PEX6: variants seen among roughly 807,000 people sequenced by gnomAD.
The protein encoded by PEX6 is peroxisomal biogenesis factor 6.
Under a neutral mutation model 85.6 loss-of-function variants are expected in PEX6, and 55 were observed. That is an observed-to-expected ratio of 0.64 (90% CI 0.52 to 0.80). The LOEUF (loss-of-function observed/expected upper bound fraction) is 0.80, where lower values mean the gene tolerates loss of function less well. Ranked by LOEUF, PEX6 falls within the 30% of genes least tolerant of loss-of-function variation. The pLI is 0.00. For missense variants in PEX6, 1,099 were observed against 1,260.3 expected (o/e 0.87, Z 1.94); for synonymous variants, 519 against 549.1 (o/e 0.95, Z 0.77).
rs115767011 is a variant in PEX6 at position 42,974,162 on chromosome 6, C to T, written c.1047-76G>A. On this transcript the variant is annotated intron_variant, in intron 2 of 16. Transcript: ENST00000304611. ...GTGTTCATTACCACATGTCCACCCC[C>T]GACATGCAGACTACTTCTTGAGTCT... The T allele has an allele frequency of 1.6e-3, 1,797 of 1,089,932 alleles. 11 individuals are homozygous for T. The African/African-American group carries it at 0.021, about 13-fold the overall frequency. 67.5% of individuals were successfully genotyped at this position (1,089,932 alleles called of 1,614,324 possible).
chr6:42,964,757 T>C lies in PEX6; in HGVS notation c.2806+33A>G. ...GTGCACCCAGCTCCCCACTAGCTTT[T>C]TGGTTGACCTCTCAGACCGGCAAGT... On this transcript the variant is annotated intron_variant, in intron 16 of 16. Transcript: ENST00000304611. The surrounding 1 kb of genome is among the most constrained non-coding windows in gnomAD (Gnocchi z 4.6). 6.2e-7 allele frequency: 1 copy of C among 1,613,804 alleles called. No individual in the cohort carries two copies. The highest frequency in any genetic ancestry group is 8.5e-7 in the Non-Finnish European group (1 of 1,179,942).
At chr6:42,966,204 C>G in intron 11 of PEX6, 38 bp downstream of exon 11, 2 of 1,610,802 alleles carry the variant, frequency 1.2e-6, no homozygotes, top group Non-Finnish European at 1.7e-6. Context: ...GCTGCAGCCC[C>G]TGATCCACCC....
chr6:42,973,897 G>T, intron 3 of PEX6, 106 bp downstream of exon 3: 1 of 809,756 alleles, frequency 1.2e-6, no homozygotes. Flanking sequence ...ACATGACAAC[G>T]AAATCCTCTT....
Position 42,964,524 on chromosome 6 carries a change from C to G in PEX6, c.2807-53G>C, listed in dbSNP as rs753458401. 3 of 1,607,638 alleles carry G rather than the reference C, an allele frequency of 1.9e-6. No individual in the cohort carries two copies. Among genetic ancestry groups the G allele is most frequent in the Non-Finnish European group, 1.7e-6 (2 of 1,176,586 alleles). On this transcript the variant is annotated intron_variant, in intron 16 of 16. Coordinates refer to ENST00000304611, the MANE Select transcript of PEX6 (RefSeq NM_000287.4). The surrounding 1 kb of genome is among the most constrained non-coding windows in gnomAD (Gnocchi z 4.6). ...GGTCTATGCCCAGGCAGGGGAGAGCCCTGCGAAGGTGGCTTCCTGCTCAGG... is the reference window on the plus strand; with the variant it reads ...GGTCTATGCCCAGGCAGGGGAGAGCGCTGCGAAGGTGGCTTCCTGCTCAGG...
intron 6 of PEX6, 115 bp downstream of exon 6, chr6:42,968,759 G>A (rs759338381): frequency 1.3e-5 from 11 of 871,312 alleles, no homozygotes; most frequent in Admixed American, 1.2e-4. Flanking sequence ...CCACTGGGCT[G>A]AAGTGCTAGG....
At chr6:42,974,648 A>T (rs1340636450) in intron 2 of PEX6, among the ~76,000 whole-genome samples, 2 of 151,018 alleles carry the variant, frequency 1.3e-5, no homozygotes, top group African/African-American at 4.9e-5. Flanking sequence ...TTTTTAGTAG[A>T]GACGGGGTTT....
chr6:42,978,805 G>A lies in PEX6; in HGVS notation c.346C>T (p.Leu116Phe), dbSNP rs1770429515. 1 of 1,533,530 alleles carries A rather than the reference G, an allele frequency of 6.5e-7. No homozygotes were observed. The highest frequency in any genetic ancestry group is 8.7e-7 in the Non-Finnish European group (1 of 1,146,406). The allele number at this position is 1,533,530 out of a possible 1,614,324, so 95.0% of individuals were successfully genotyped here. The part of the protein sequence containing the change: ...ALLGTSLGPG[L>F]GPRVGPLLVR... The stretch of plus-strand genomic sequence containing the variant: ...AGCAGCGGCCCGACTCGCGGTCCGA[G>A]CCCAGGCCCCAGCGAGGTGCCAAGC... The change falls in exon 1 of 17, where the codon CTC becomes TTC. Residue 116 changes from leucine (L) to phenylalanine (F), a missense_variant. Physicochemically the swap from Leu to Phe is conservative, Grantham distance 22 (BLOSUM62 0). Transcript: ENST00000304611.
Position 42,978,482 on chromosome 6 carries a change from C to G in PEX6, c.669G>C (p.Val223=), listed in dbSNP as rs899965642. 2.5e-6 allele frequency: 4 copies of G among 1,614,236 alleles called. No individual in the cohort carries two copies. The East Asian group carries it at 8.9e-5, about 36-fold the overall frequency. Residue 223 remains valine (V), a synonymous_variant, in exon 1 of 17, where the codon GTG becomes GTC. Transcript: ENST00000304611. ...ATGACTCTCTGGCCTGGGCCACCCA[C>G]ACCCATTCGCCCTGGAAGAGGCCAA... The part of the protein sequence containing the change: ...RGLGLFQGEW[V]WVAQARESSN...
chr6:42,969,854 C>A, intron 4 of PEX6, 31 bp downstream of exon 4: 1 of 1,614,056 alleles, frequency 6.2e-7, no homozygotes, highest in Non-Finnish European at 8.5e-7. Flanking sequence ...CTACCCCCTG[C>A]GCTGGTCTAC....
Position 42,965,209 on chromosome 6 carries a change from A to G in PEX6, c.2588+43T>C. ...GGAGCCCAGCCATGAGGGGTGAAGG[A>G]GGCACAAAATGAGGGTGGAGATGAG... is the stretch of plus-strand genomic sequence containing the variant. On this transcript the variant is annotated intron_variant, in intron 14 of 16. Coordinates refer to ENST00000304611, the MANE Select transcript of PEX6 (RefSeq NM_000287.4). The surrounding 1 kb of genome is among the most constrained non-coding windows in gnomAD (Gnocchi z 5.0). 1 of 1,608,328 alleles carries G rather than the reference A, an allele frequency of 6.2e-7. No homozygotes were observed. The highest frequency in any genetic ancestry group is 8.5e-7 in the Non-Finnish European group (1 of 1,174,658).
intron 6 of PEX6, 62 bp from the exon 7 acceptor site, chr6:42,968,560 CAG>C (rs1281082254): frequency 7.1e-7 from 1 of 1,417,952 alleles, no homozygotes; most frequent in Non-Finnish European, 9.7e-7. Context: ...GCAGGAGAAT[CAG>C]GGGAGGAGGA....
intron 1 of PEX6, among the ~76,000 whole-genome samples, chr6:42,976,093 C>T (rs904428143): frequency 1.3e-5 from 2 of 151,728 alleles, no homozygotes; most frequent in Admixed American, 6.6e-5. Context: ...GGGGTTTCAC[C>T]GTGTTAGCCA....
intron 2 of PEX6, 91 bp from the exon 3 acceptor site, chr6:42,974,177 T>TAG: frequency 1.0e-6 from 1 of 957,154 alleles, no homozygotes; most frequent in Non-Finnish European, 1.7e-6. Flanking sequence ...TGCAGACTAC[T>TAG]TCTTGAGTCT....
chr6:42,969,663 C>T lies in PEX6; in HGVS notation c.1367+5G>A, dbSNP rs1395781881. On this transcript the variant is annotated splice_donor_5th_base_variant and intron_variant, in intron 5 of 16. Coordinates refer to ENST00000304611, the MANE Select transcript of PEX6 (RefSeq NM_000287.4). ...CTCACACCCTGGGGTGATGACCTCA[C>T]TCACCCTGGCTGGAGGCGAGGCTTC... is the stretch of plus-strand genomic sequence containing the variant. 1 of 1,612,538 alleles carries T rather than the reference C, an allele frequency of 6.2e-7. No homozygotes were observed. The highest frequency in any genetic ancestry group is 1.1e-5 in the South Asian group (1 of 91,012).
rs3805952 is a variant in PEX6, at chr6:42,969,388, C to T, written c.1367+280G>A. 0.4 allele frequency among the ~76,000 whole-genome samples: 61,206 copies of T among 151,966 alleles called. 12,709 individuals carry two copies. Among genetic ancestry groups the T allele is most frequent in the Non-Finnish European group, 0.45 (30,821 of 67,926 alleles). ...AGTAAAGTGCAGGATGGCCAGTGAGCTCCCCAAGGGGAAGGGCAGTCTCAG... is the reference window on the plus strand; with the variant it reads ...AGTAAAGTGCAGGATGGCCAGTGAGTTCCCCAAGGGGAAGGGCAGTCTCAG... On this transcript the variant is annotated intron_variant, in intron 5 of 16. Transcript: ENST00000304611.
At position 42,978,633 on chromosome 6, in the gene PEX6, CT is replaced by C. The variant is rs61753212; in HGVS notation, c.517del (p.Ser173AlafsTer33). On this transcript the variant is annotated frameshift_variant, in exon 1 of 17. Transcript: ENST00000304611. LOFTEE classifies it high-confidence loss of function. Reference sequence around the variant, plus strand: ...CACGGGCGGGGGTGGGGGCCGACTGCTGTCCCCAGACTCTGGACACAGTCTG... The same window carrying C: ...CACGGGCGGGGGTGGGGGCCGACTGCGTCCCCAGACTCTGGACACAGTCTG... ...RARLCPESGD[S>X]SRPPPPPVVS... The C allele has an allele frequency of 8.8e-6, 14 of 1,586,768 alleles. No homozygotes were observed. Among genetic ancestry groups the C allele is most frequent in the Admixed American group, 3.6e-5 (2 of 56,330 alleles).
chr6:42,969,732 G>A lies in PEX6; in HGVS notation c.1303C>T (p.Pro435Ser). The change falls in exon 5 of 17, where the codon CCT (proline) becomes TCT (serine). Residue 435 changes from proline (P) to serine (S), a missense_variant. Physicochemically the swap from Pro to Ser is moderately conservative, Grantham distance 74 (BLOSUM62 -1). Transcript: ENST00000304611. ...GACACCAAGGCCTCCAGGCCTGGAG[G>A]AGACAAACTGCTCCAGAGAGTGGAT... ...EESTLWSSLS[P>S]PGLEALVSEL... The A allele has an allele frequency of 6.2e-7, 1 of 1,613,692 alleles. No homozygotes were observed. Among genetic ancestry groups the A allele is most frequent in the South Asian group, 1.1e-5 (1 of 91,052 alleles).
intron 7 of PEX6, 55 bp downstream of exon 7, chr6:42,968,235 C>G: frequency 6.8e-7 from 1 of 1,472,896 alleles, no homozygotes; most frequent in Middle Eastern, 2.0e-4. Flanking sequence ...TAAGTGTGAG[C>G]CACCGCGCCC....
At chr6:42,972,702 G>A (rs536271664) in intron 3 of PEX6, among the ~76,000 whole-genome samples, 6 of 151,424 alleles carry the variant, frequency 4.0e-5, no homozygotes, top group South Asian at 2.1e-4. Context: ...CCCGGGAGGC[G>A]GAGCTTGCAG....
Sources: allele counts gnomAD v4.1 joint callset (sites outside exome capture counted in the v4.1 genomes callset), GRCh38; gene constraint gnomAD v4.1.1; non-coding constraint Gnocchi (gnomAD v3.1); transcripts MANE v1.5; gene names NCBI Gene and HGNC (gene_info 2026-07-23, HGNC 2026-07-21).